Variants in MARCHF10 observed in about 807,000 individuals in gnomAD.
MARCHF10 encodes the protein membrane associated ring-CH-type finger 10, also known as probable E3 ubiquitin-protein ligase MARCHF10.
Under a neutral mutation model 76.2 loss-of-function variants are expected in MARCHF10, and 64 were observed. That is an observed-to-expected ratio of 0.84 (90% CI 0.69 to 1.03). MARCHF10 has a LOEUF of 1.03. Ranked by LOEUF, MARCHF10 falls within the 50% of genes least tolerant of loss-of-function variation. The probability of loss-of-function intolerance (pLI) is 0.00; values close to 1 mark genes in which losing one functional copy is unlikely to be tolerated. For synonymous variants in MARCHF10, 340 were observed against 357.5 expected (o/e 0.95, Z 0.55); for missense variants, 875 against 958.0 (o/e 0.91, Z 1.14).
At chr17:62,723,623 C>T in intron 7 of MARCHF10, among the ~76,000 whole-genome samples, 1 of 135,850 alleles carries the variant, frequency 7.4e-6, no homozygotes. Flanking sequence ...TCCCATGAGT[C>T]TTCCGATCGA....
chr17:62,721,033 A>G (rs749542600), intron 8 of MARCHF10, among the ~76,000 whole-genome samples: 1 of 151,890 alleles, frequency 6.6e-6, no homozygotes, highest in Non-Finnish European at 1.5e-5. Flanking sequence ...ACGCCCAGCT[A>G]ATTTTTGTAT....
chr17:62,760,326 G>A (rs751199576), intron 3 of MARCHF10, among the ~76,000 whole-genome samples: 1 of 152,176 alleles, frequency 6.6e-6, no homozygotes, highest in Non-Finnish European at 1.5e-5. Context: ...TAGCGCATGT[G>A]CTTTTAAACT....
intron 2 of MARCHF10, among the ~76,000 whole-genome samples, chr17:62,792,502 CCAT>C (rs916835206): frequency 1.9e-4 from 29 of 151,808 alleles, no homozygotes; most frequent in African/African-American, 5.1e-4. Flanking sequence ...ACCACCACCA[CCAT>C]GACTACCATT....
intron 8 of MARCHF10, among the ~76,000 whole-genome samples, chr17:62,718,104 G>C (rs2090310952): frequency 6.6e-6 from 1 of 152,182 alleles, no homozygotes; most frequent in African/African-American, 2.4e-5. Flanking sequence ...CCCACACTCT[G>C]TCTATGAGGT....
chr17:62,717,213 C>T (rs967866068), intron 8 of MARCHF10, among the ~76,000 whole-genome samples: 14 of 152,214 alleles, frequency 9.2e-5, no homozygotes, highest in Non-Finnish European at 2.1e-4. Flanking sequence ...GAATTCCCAG[C>T]AGGTCATGGG....
chr17:62,746,566 C>G (rs142769654), intron 4 of MARCHF10, among the ~76,000 whole-genome samples: 4 of 152,118 alleles, frequency 2.6e-5, no homozygotes, highest in Non-Finnish European at 4.4e-5. Context: ...ATTCCTTGAA[C>G]ATAGAAGCTT....
intron 3 of MARCHF10, among the ~76,000 whole-genome samples, chr17:62,782,869 T>C (rs1235613946): frequency 6.6e-6 from 1 of 152,174 alleles, no homozygotes; most frequent in Non-Finnish European, 1.5e-5. Context: ...ATGCATTCAG[T>C]GACACTTCCT....
intron 3 of MARCHF10, among the ~76,000 whole-genome samples, chr17:62,781,445 T>C (rs879913448): frequency 2.0e-5 from 3 of 152,236 alleles, no homozygotes; most frequent in African/African-American, 4.8e-5. Flanking sequence ...TGAATTCACA[T>C]TGTAATGAGA....
intron 4 of MARCHF10, among the ~76,000 whole-genome samples, chr17:62,754,060 A>G (rs1307664754): frequency 1.3e-5 from 2 of 151,956 alleles, no homozygotes; most frequent in Non-Finnish European, 2.9e-5. Flanking sequence ...TTAATAATCA[A>G]ATTATAACCA....
At chr17:62,702,409 G>C (rs568706635) in intron 10 of MARCHF10, among the ~76,000 whole-genome samples, 2 of 139,978 alleles carry the variant, frequency 1.4e-5, no homozygotes, top group African/African-American at 5.1e-5. Flanking sequence ...CAGCGCTTTG[G>C]AAGGCCAAGG....
chr17:62,708,243 C>CTTTTTTTTTTT (rs60147578), intron 9 of MARCHF10, among the ~76,000 whole-genome samples: 2 of 144,568 alleles, frequency 1.4e-5, no homozygotes, highest in Non-Finnish European at 3.0e-5. Flanking sequence ...AAAGTAGGTT[C>CTTTTTTTTTTT]TTTTTTTTTT....
intron 3 of MARCHF10, among the ~76,000 whole-genome samples, chr17:62,769,320 AT>A (rs1416933197): frequency 6.6e-6 from 1 of 152,162 alleles, no homozygotes; most frequent in Non-Finnish European, 1.5e-5. Context: ...CCTAAGTAGT[AT>A]TTTACCCAAT....
At chr17:62,760,868 A>AAC (rs1306424517) in intron 3 of MARCHF10, among the ~76,000 whole-genome samples, 8 of 152,320 alleles carry the variant, frequency 5.3e-5, no homozygotes, top group African/African-American at 1.9e-4. Flanking sequence ...GGAGGGGGGC[A>AAC]CTAAGCTCTC....
chr17:62,709,833 G>A (rs527663090), intron 9 of MARCHF10, among the ~76,000 whole-genome samples: 13 of 152,046 alleles, frequency 8.6e-5, no homozygotes, highest in Admixed American at 2.0e-4. Flanking sequence ...TCACTGCAGC[G>A]TCAGCCTCCC....
At chr17:62,701,859 C>T (rs2089257638) in intron 10 of MARCHF10, 101 bp from the exon 11 acceptor site, 1 of 1,507,588 alleles carries the variant, frequency 6.6e-7, no homozygotes, top group Admixed American at 1.7e-5. Context: ...CACCCCATCC[C>T]TGAGGCCCAG....
At chr17:62,740,042 T>G (rs1235185011) in intron 5 of MARCHF10, among the ~76,000 whole-genome samples, 2 of 145,564 alleles carry the variant, frequency 1.4e-5, no homozygotes, top group African/African-American at 5.3e-5. Flanking sequence ...AATCAGAGCT[T>G]CTCTGCAGTG....
chr17:62,799,236 C>T (rs773355625), intron 2 of MARCHF10, among the ~76,000 whole-genome samples: 2 of 152,102 alleles, frequency 1.3e-5, no homozygotes, highest in South Asian at 4.1e-4. Flanking sequence ...TTTCCTGGGC[C>T]GGGCCACTTC....
At chr17:62,733,035 A>G (rs1041938392) in intron 6 of MARCHF10, among the ~76,000 whole-genome samples, 2 of 151,690 alleles carry the variant, frequency 1.3e-5, no homozygotes, top group Admixed American at 1.3e-4. Flanking sequence ...AAAAAGACAA[A>G]CTAGACAAAC....
At chr17:62,751,281 G>C (rs1173942091) in intron 4 of MARCHF10, among the ~76,000 whole-genome samples, 2 of 152,216 alleles carry the variant, frequency 1.3e-5, no homozygotes, top group East Asian at 3.9e-4. Flanking sequence ...TACCTGCCCG[G>C]AACCTGTTTC....
Sources: gnomAD v4.1 joint callset for allele counts (sites outside exome capture counted in the v4.1 genomes callset) on GRCh38, gnomAD v4.1.1 for gene constraint, MANE v1.5 for transcripts, NCBI Gene and HGNC (gene_info 2026-07-23, HGNC 2026-07-21) for gene names.